Variants in TCF4 observed in about 807,000 individuals in gnomAD.
The protein encoded by TCF4 is SL3-3 enhancer factor 2.
A neutral mutation model predicts 82.1 loss-of-function variants in TCF4; 3 were observed. That is an observed-to-expected ratio of 0.04 (90% CI 0.02 to 0.09). The LOEUF (loss-of-function observed/expected upper bound fraction) is 0.09, where lower values mean the gene tolerates loss of function less well. Among genes scored for constraint, TCF4 ranks in the 10% least tolerant of loss-of-function variants. TCF4 has a pLI of 1.00. For synonymous variants in TCF4, 276 were observed against 309.6 expected (o/e 0.89, Z 1.14); for missense variants, 518 against 852.7 (o/e 0.61, Z 4.89).
intron 3 of TCF4, among the ~76,000 whole-genome samples, chr18:55,522,241 CTT>C (rs1468825288): frequency 6.6e-6 from 1 of 152,136 alleles, no homozygotes; most frequent in African/African-American, 2.4e-5. Flanking sequence ...CAGCATACCT[CTT>C]TACAAAATAT....
intron 3 of TCF4, among the ~76,000 whole-genome samples, chr18:55,547,237 G>A (rs2097214860): frequency 6.6e-6 from 1 of 152,166 alleles, no homozygotes. Flanking sequence ...TTATCACTGT[G>A]TCTTTTTAAA....
intron 8 of TCF4, chr18:55,322,412 A>AAAGGG: frequency 4.5e-6 from 4 of 881,864 alleles, no homozygotes; most frequent in Non-Finnish European, 5.4e-6. Context: ...AAGGGGAGGG[A>AAAGGG]AAGGGGAGGG....
intron 5 of TCF4, among the ~76,000 whole-genome samples, chr18:55,415,993 A>G (rs912617140): frequency 6.6e-6 from 1 of 152,222 alleles, no homozygotes; most frequent in Non-Finnish European, 1.5e-5. Flanking sequence ...ATTGAGATAC[A>G]TAAGTTCCTT....
intron 3 of TCF4, among the ~76,000 whole-genome samples, chr18:55,490,298 A>G (rs2096562851): frequency 6.6e-6 from 1 of 152,152 alleles, no homozygotes. Context: ...ATATTTATTT[A>G]TATTTGCAAA....
intron 17 of TCF4, 171 bp from the exon 18 acceptor site, chr18:55,229,247 G>A: frequency 2.8e-6 from 2 of 706,344 alleles, no homozygotes; most frequent in South Asian, 3.2e-5. Context: ...GGCTTTGACA[G>A]TTCACAATAC....
intron 3 of TCF4, among the ~76,000 whole-genome samples, chr18:55,505,903 AATCCAACAGTATAG>A (rs1052082378): frequency 6.6e-5 from 10 of 152,176 alleles, no homozygotes; most frequent in African/African-American, 2.2e-4. Context: ...GTGCCTAACT[AATCCAACAGTATAG>A]GAGTGGGTTT....
intron 10 of TCF4, 53 bp downstream of exon 10, chr18:55,275,566 G>A (rs767202182): frequency 2.6e-5 from 42 of 1,612,168 alleles, no homozygotes; most frequent in South Asian, 3.3e-5. Flanking sequence ...GACAGAGGAC[G>A]AGGTTTAATC....
chr18:55,511,322 C>G (rs1273493611), intron 3 of TCF4, among the ~76,000 whole-genome samples: 2 of 34,728 alleles, frequency 5.8e-5, no homozygotes, highest in Non-Finnish European at 1.0e-4. Context: ...TAGAGTAATT[C>G]CAAAAGTTTA....
chr18:55,500,104 C>T (rs953865301), intron 3 of TCF4, among the ~76,000 whole-genome samples: 7 of 152,112 alleles, frequency 4.6e-5, no homozygotes, highest in Non-Finnish European at 7.4e-5. Flanking sequence ...ATTGCTTGAA[C>T]CTGGGAGGCT....
At chr18:55,351,128 T>G in intron 6 of TCF4, 125 bp from the exon 7 acceptor site, 1 of 1,253,476 alleles carries the variant, frequency 8.0e-7, no homozygotes, top group Middle Eastern at 2.2e-4. Flanking sequence ...CTGAGACAAT[T>G]AAAACAAAAC....
At chr18:55,429,620 G>A (rs1472014001) in intron 5 of TCF4, among the ~76,000 whole-genome samples, 1 of 151,954 alleles carries the variant, frequency 6.6e-6, no homozygotes, top group Non-Finnish European at 1.5e-5. Flanking sequence ...AATTAGCCGG[G>A]CATGGTGGTG....
At chr18:55,532,310 T>C (rs933158831) in intron 3 of TCF4, among the ~76,000 whole-genome samples, 1 of 152,180 alleles carries the variant, frequency 6.6e-6, no homozygotes, top group Non-Finnish European at 1.5e-5. Flanking sequence ...CAACACGCCA[T>C]GGCTAGATCC....
intron 3 of TCF4, among the ~76,000 whole-genome samples, chr18:55,533,519 C>G (rs1400559991): frequency 6.6e-6 from 1 of 152,200 alleles, no homozygotes; most frequent in Non-Finnish European, 1.5e-5. Context: ...AAGATCACCT[C>G]ATAGCCTCAG....
intron 6 of TCF4, chr18:55,351,324 G>C (rs2082265140): frequency 6.8e-6 from 2 of 295,406 alleles, no homozygotes; most frequent in Admixed American, 9.9e-5. Context: ...CCTTTCTCTA[G>C]ACTGAGGCTC....
chr18:55,559,828 T>C (rs1200036477), intron 3 of TCF4, among the ~76,000 whole-genome samples: 1 of 152,080 alleles, frequency 6.6e-6, no homozygotes, highest in African/African-American at 2.4e-5. Flanking sequence ...CCTTTCTGGT[T>C]GTACTAGGAA....
chr18:55,547,172 T>C lies in TCF4; in HGVS notation c.145+38108A>G, dbSNP rs181213967. On this transcript the variant is annotated intron_variant, in intron 3 of 19. Transcript: ENST00000354452. ...CCTGATTTGCTGAAGCAAGGAAGACTTCCCCTCCCATCTAAAACTGCACTT... is the reference window on the plus strand; with the variant it reads ...CCTGATTTGCTGAAGCAAGGAAGACCTCCCCTCCCATCTAAAACTGCACTT... Among the ~76,000 whole-genome samples the C allele has an allele frequency of 1.7e-4, 26 of 152,372 alleles. No homozygotes were observed. In the East Asian group the frequency reaches 3.1e-3, roughly 18 times the overall value.
chr18:55,529,498 C>T (rs891045267), intron 3 of TCF4, among the ~76,000 whole-genome samples: 1 of 152,128 alleles, frequency 6.6e-6, no homozygotes, highest in Non-Finnish European at 1.5e-5. Context: ...GTCTTAACCA[C>T]GATTATTAGA....
chr18:55,292,194 C>T (rs2065251560), intron 8 of TCF4, among the ~76,000 whole-genome samples: 2 of 151,970 alleles, frequency 1.3e-5, no homozygotes, highest in African/African-American at 2.4e-5. Context: ...TACTGGCTAC[C>T]TCAAATATTC....
intron 6 of TCF4, chr18:55,402,024 C>G: frequency 7.1e-6 from 7 of 985,370 alleles, no homozygotes; most frequent in South Asian, 4.7e-5. Context: ...GCTTGTCGCC[C>G]AGGCTATCTA....
Sources: allele counts gnomAD v4.1 joint callset (sites outside exome capture counted in the v4.1 genomes callset), GRCh38; gene constraint gnomAD v4.1.1; transcripts MANE v1.5; gene names NCBI Gene and HGNC (gene_info 2026-07-23, HGNC 2026-07-21).